Variants in PDE4D observed in about 807,000 individuals in gnomAD.
The protein encoded by PDE4D is phosphodiesterase 4D.
A neutral mutation model predicts 87.4 loss-of-function variants in PDE4D; 24 were observed. That is an observed-to-expected ratio of 0.27 (90% CI 0.20 to 0.39). The LOEUF (loss-of-function observed/expected upper bound fraction) is 0.39, where lower values mean the gene tolerates loss of function less well. Ranked by LOEUF, PDE4D falls within the 10% of genes least tolerant of loss-of-function variation. The pLI is 1.00. For missense variants in PDE4D, 714 were observed against 1,041.0 expected, an observed-to-expected ratio of 0.69 and a Z score of 4.32; for synonymous variants, 384 against 383.2, an observed-to-expected ratio of 1.00 and a Z score of -0.02.
chr5:60,430,623 G>A lies in PDE4D; in HGVS notation c.-90+57319C>T, dbSNP rs1744164263. On this transcript the variant is annotated intron_variant, in intron 1 of 16. Coordinates refer to the PDE4D transcript ENST00000502484. ...TTGGCAGGGTCATAGGACAATAGTG[G>A]AGGGAAGGTCAGCAGATAAACAAGT... 3 of 210,174 alleles carry A rather than the reference G, an allele frequency of 1.4e-5. No individual in the cohort carries two copies. In the South Asian group the frequency reaches 2.3e-4, roughly 16 times the overall value. 13.0% of individuals were successfully genotyped at this position (210,174 alleles called of 1,614,324 possible).
intron 1 of PDE4D, among the ~76,000 whole-genome samples, chr5:59,598,093 C>T (rs1314035329): frequency 6.6e-6 from 1 of 152,092 alleles, no homozygotes; most frequent in African/African-American, 2.4e-5. Context: ...AATTGCCTAG[C>T]TCTGTATCTT....
intron 1 of PDE4D, among the ~76,000 whole-genome samples, chr5:60,204,244 A>G (rs1405216648): frequency 1.3e-5 from 2 of 151,896 alleles, no homozygotes; most frequent in Non-Finnish European, 2.9e-5. Flanking sequence ...TATCTAATCT[A>G]TATCTCTCTA....
chr5:59,324,737 T>C (rs1554132482), intron 1 of PDE4D, among the ~76,000 whole-genome samples: 1 of 152,094 alleles, frequency 6.6e-6, no homozygotes, highest in Non-Finnish European at 1.5e-5. Context: ...ACTGAGTGAC[T>C]TGGAGCCTCC....
chr5:59,476,466 G>A (rs1348212304), intron 1 of PDE4D, among the ~76,000 whole-genome samples: 1 of 151,994 alleles, frequency 6.6e-6, no homozygotes, highest in East Asian at 1.9e-4. Context: ...GTGAATACCT[G>A]GAAATACATC....
chr5:59,771,644 G>C (rs1418186441), intron 1 of PDE4D, among the ~76,000 whole-genome samples: 1 of 152,154 alleles, frequency 6.6e-6, no homozygotes, highest in Non-Finnish European at 1.5e-5. Context: ...TTGTAGAAGA[G>C]CTTACAAAGA....
Position 58,999,514 on chromosome 5 carries a change from A to G in PDE4D, c.922-6049T>C, listed in dbSNP as rs763422026. On this transcript the variant is annotated intron_variant, in intron 6 of 14. Coordinates refer to ENST00000340635, the MANE Select transcript of PDE4D (RefSeq NM_001104631.2). ...CTTTATGTAGCCCCAAGACACTGAC[A>G]GTAAATAGTTTGCTTCAGGCATTTT... is the stretch of plus-strand genomic sequence containing the variant. The G allele has an allele frequency of 7.2e-6, 11 of 1,535,332 alleles. No individual in the cohort carries two copies. Among genetic ancestry groups the G allele is most frequent in the Non-Finnish European group, 9.7e-6 (11 of 1,130,216 alleles).
chr5:59,908,314 AC>A (rs1425650728), intron 3 of PDE4D, among the ~76,000 whole-genome samples: 1 of 152,056 alleles, frequency 6.6e-6, no homozygotes, highest in Non-Finnish European at 1.5e-5. Context: ...ATAAACTCAA[AC>A]TTTTTTTTAA....
chr5:59,567,942 A>G (rs966210104), intron 1 of PDE4D, among the ~76,000 whole-genome samples: 1 of 152,222 alleles, frequency 6.6e-6, no homozygotes, highest in African/African-American at 2.4e-5. Context: ...ATACACAAAT[A>G]TATGTCCTTG....
At chr5:59,028,590 G>A (rs538155238) in intron 6 of PDE4D, among the ~76,000 whole-genome samples, 13 of 151,700 alleles carry the variant, frequency 8.6e-5, no homozygotes, top group African/African-American at 2.7e-4. Flanking sequence ...CCCAATTTAC[G>A]TTTGGTAAAA....
At chr5:59,142,568 T>C (rs79519954) in intron 5 of PDE4D, among the ~76,000 whole-genome samples, 5,743 of 152,340 alleles carry the variant, frequency 0.038, 324 homozygotes, top group African/African-American at 0.12. Flanking sequence ...GCGAGCCTTT[T>C]TGAAATCACA....
At chr5:59,733,640 A>T (rs1389260849) in intron 1 of PDE4D, among the ~76,000 whole-genome samples, 1 of 152,066 alleles carries the variant, frequency 6.6e-6, no homozygotes, top group African/African-American at 2.4e-5. Flanking sequence ...TATTAAAATG[A>T]CTATTTTACC....
chr5:59,720,672 A>G (rs1755698148), intron 1 of PDE4D, among the ~76,000 whole-genome samples: 2 of 152,192 alleles, frequency 1.3e-5, no homozygotes, highest in African/African-American at 4.8e-5. Context: ...CTGTGTTTTA[A>G]GTACAACAAC....
chr5:60,342,177 G>T (rs924900235), intron 1 of PDE4D, among the ~76,000 whole-genome samples: 4 of 152,096 alleles, frequency 2.6e-5, no homozygotes, highest in African/African-American at 7.2e-5. Flanking sequence ...ATAATCAAAA[G>T]GCTCATTTCT....
Position 58,993,366 on chromosome 5 carries a change from T to A in PDE4D, c.1015+6A>T. On this transcript the variant is annotated splice_donor_region_variant and intron_variant, in intron 7 of 14. Coordinates refer to ENST00000340635, the MANE Select transcript of PDE4D (RefSeq NM_001104631.2). Reference sequence around the variant, plus strand: ...AAAAAATTTAATTGCATGTTGTTATTCTCACCTAAGAATGTGTTTGATATA... The same window carrying A: ...AAAAAATTTAATTGCATGTTGTTATACTCACCTAAGAATGTGTTTGATATA... The A allele has an allele frequency of 6.7e-7, 1 of 1,502,724 alleles. No homozygotes were observed. Among genetic ancestry groups the A allele is most frequent in the Non-Finnish European group, 9.0e-7 (1 of 1,113,124 alleles). The allele number at this position is 1,502,724 out of a possible 1,614,324, so 93.1% of individuals were successfully genotyped here. A position where few individuals can be genotyped will look rare whatever the true frequency, so the allele number is the denominator to read the frequency against.
chr5:59,109,571 C>G (rs1561499526), intron 5 of PDE4D, among the ~76,000 whole-genome samples: 1 of 152,142 alleles, frequency 6.6e-6, no homozygotes, highest in Non-Finnish European at 1.5e-5. Context: ...GGGGTGGAAG[C>G]TGGGCTGACA....
intron 1 of PDE4D, among the ~76,000 whole-genome samples, chr5:60,262,974 G>C (rs1749804710): frequency 6.6e-6 from 1 of 152,204 alleles, no homozygotes; most frequent in Non-Finnish European, 1.5e-5. Context: ...GGAGGAAAAA[G>C]AGCAGCAAAG....
intron 1 of PDE4D, among the ~76,000 whole-genome samples, chr5:59,799,074 A>G (rs1256194044): frequency 6.6e-6 from 1 of 152,168 alleles, no homozygotes; most frequent in African/African-American, 2.4e-5. Flanking sequence ...AAAATTCCCT[A>G]TCTCATAAAC....
intron 2 of PDE4D, chr5:60,160,779 G>C (rs913498909): frequency 4.5e-6 from 2 of 448,766 alleles, no homozygotes; most frequent in South Asian, 1.6e-5. Context: ...CTTTTCCCTA[G>C]TATTCCTGTC....
rs369862284 is a variant in PDE4D at position 60,365,876 on chromosome 5, T to C, written c.-90+122066A>G. On this transcript the variant is annotated intron_variant, in intron 1 of 16. Transcript: ENST00000502484. Reference sequence around the variant, plus strand: ...CTGGCCAACATGGTGAAACCCCATCTCTACTAAAAATACAAAAATTATTCG... The same window carrying C: ...CTGGCCAACATGGTGAAACCCCATCCCTACTAAAAATACAAAAATTATTCG... Among the ~76,000 whole-genome samples, 55 of 152,058 alleles carry C rather than the reference T, an allele frequency of 3.6e-4. No individual in the cohort carries two copies. The East Asian group carries it at 0.01, about 28-fold the overall frequency.
Sources: gnomAD v4.1 joint callset for allele counts (sites outside exome capture counted in the v4.1 genomes callset) on GRCh38, gnomAD v4.1.1 for gene constraint, MANE v1.5 for transcripts, NCBI Gene and HGNC (gene_info 2026-07-23, HGNC 2026-07-21) for gene names.